Variants in ASPH observed in about 807,000 individuals in gnomAD.
ASPH encodes aspartyl/asparaginyl beta-hydroxylase.
ASPH carries 100 observed loss-of-function variants against 118.4 expected under a neutral mutation model. The observed-to-expected ratio is 0.84, with a 90% CI of 0.72 to 1.00. ASPH has a LOEUF of 1.00. ASPH is among the 50% of genes least tolerant of loss of function. The pLI, the probability that ASPH is intolerant of heterozygous loss-of-function variation, is 0.00. For missense variants in ASPH, 920 were observed against 919.5 expected, an observed-to-expected ratio of 1.00 and a Z score of -0.01; for synonymous variants, 315 against 325.6, an observed-to-expected ratio of 0.97 and a Z score of 0.35.
At chr8:61,579,389 C>T in intron 15 of ASPH, 2 of 1,613,894 alleles carry the variant, frequency 1.2e-6, no homozygotes, top group South Asian at 2.2e-5. Context: ...AGATCGCCAC[C>T]TACAGGAAGC....
chr8:61,633,050 G>C (rs1856254713), intron 13 of ASPH: 1 of 157,372 alleles, frequency 6.4e-6, no homozygotes, highest in Non-Finnish European at 1.4e-5. Context: ...ACTTCTGGTT[G>C]CAGGTATAGT....
intron 6 of ASPH, among the ~76,000 whole-genome samples, chr8:61,645,221 A>G (rs1008760871): frequency 2.6e-5 from 4 of 152,162 alleles, no homozygotes; most frequent in African/African-American, 9.7e-5. Context: ...CCAACTTTTA[A>G]GTTCAAACTG....
At chr8:61,652,471 T>C (rs2151122855) in intron 4 of ASPH, among the ~76,000 whole-genome samples, 1 of 152,272 alleles carries the variant, frequency 6.6e-6, no homozygotes, top group African/African-American at 2.4e-5. Context: ...ATTTTGCAAA[T>C]ACTCCTTCTC....
rs918677674 is a variant in ASPH at position 61,569,362 on chromosome 8, A to AT, written c.1150-2045dup. Among the ~76,000 whole-genome samples the AT allele has an allele frequency of 1.3e-4, 20 of 151,676 alleles. 1 individual carries two copies. Among genetic ancestry groups the AT allele is most frequent in the Non-Finnish European group, 2.2e-4 (15 of 67,852 alleles). On this transcript the variant is annotated intron_variant, in intron 16 of 24. Transcript: ENST00000379454. ...TGGCTAGATGCTAAAAGTAGCATAT[A>AT]TTTTTTTTTCTCAGAATATTTAAAC... is the stretch of plus-strand genomic sequence containing the variant.
chr8:61,547,541 C>G (rs1352848591), intron 21 of ASPH, among the ~76,000 whole-genome samples: 1 of 152,186 alleles, frequency 6.6e-6, no homozygotes, highest in Non-Finnish European at 1.5e-5. Context: ...TAGGACATCA[C>G]AGCTCTAACA....
chr8:61,527,665 G>C (rs751434684), intron 21 of ASPH, among the ~76,000 whole-genome samples: 6 of 152,198 alleles, frequency 3.9e-5, no homozygotes, highest in Non-Finnish European at 8.8e-5. Context: ...GCTTTGGAAA[G>C]TACACTCCCA....
rs759657377 is a variant in ASPH, at chr8:61,665,252, T to C, written c.323-11592A>G. 2.1e-5 allele frequency: 33 copies of C among 1,586,336 alleles called. No individual in the cohort carries two copies. The South Asian group carries it at 3.8e-4, about 18-fold the overall frequency. On this transcript the variant is annotated intron_variant, in intron 3 of 24. Coordinates refer to ENST00000379454, the MANE Select transcript of ASPH (RefSeq NM_004318.4). The stretch of plus-strand genomic sequence containing the variant: ...TTCTGGGATGATGATGCCAGAGCTT[T>C]AGCCGTTTCTTTTCTGGGTATTTCC...
chr8:61,639,102 G>A (rs573783064), intron 10 of ASPH, among the ~76,000 whole-genome samples: 2 of 152,260 alleles, frequency 1.3e-5, no homozygotes, highest in South Asian at 4.1e-4. Context: ...TTAATAGGTC[G>A]TTTTGTCCTT....
At chr8:61,565,033 CAGCT>C (rs1831216515) in intron 17 of ASPH, among the ~76,000 whole-genome samples, 10 of 152,192 alleles carry the variant, frequency 6.6e-5, no homozygotes, top group Non-Finnish European at 4.4e-5. Flanking sequence ...AGTTAGCTAA[CAGCT>C]AGTCTTACTT....
chr8:61,697,811 CAG>C (rs745910886), intron 1 of ASPH, among the ~76,000 whole-genome samples: 2 of 152,178 alleles, frequency 1.3e-5, no homozygotes, highest in Non-Finnish European at 2.9e-5. Flanking sequence ...TTAATTTAGA[CAG>C]AGTCTCACTG....
At chr8:61,615,013 T>C (rs7823222) in intron 14 of ASPH, among the ~76,000 whole-genome samples, 124,960 of 152,086 alleles carry the variant, frequency 0.82, 51,404 homozygotes, top group African/African-American at 0.84. Context: ...CCTTTGAAAA[T>C]ATAATGCAAT....
intron 3 of ASPH, chr8:61,675,976 C>T (rs956918369): frequency 6.5e-7 from 1 of 1,540,818 alleles, no homozygotes; most frequent in South Asian, 1.3e-5. Flanking sequence ...TCACAACCAC[C>T]CCACTGCACA....
At chr8:61,591,184 G>A (rs1841016815) in intron 14 of ASPH, among the ~76,000 whole-genome samples, 1 of 152,086 alleles carries the variant, frequency 6.6e-6, no homozygotes, top group African/African-American at 2.4e-5. Context: ...GTTTCTAAAG[G>A]CATGAATGCA....
intron 3 of ASPH, chr8:61,659,742 C>G (rs1046527846): frequency 6.6e-6 from 1 of 152,274 alleles, no homozygotes; most frequent in African/African-American, 2.4e-5. Context: ...TGAAAATAAC[C>G]TTATGGGTCT....
intron 16 of ASPH, among the ~76,000 whole-genome samples, chr8:61,576,421 C>A (rs112686749): frequency 1.3e-3 from 193 of 152,292 alleles, no homozygotes; most frequent in African/African-American, 4.3e-3. Context: ...ATACTTGCAA[C>A]CTCCAGTTAT....
rs924866178 is a variant in ASPH at position 61,680,845 on chromosome 8, T to A, written c.322+123A>T. 1.6e-5 allele frequency: 11 copies of A among 686,246 alleles called. No individual in the cohort carries two copies. The African/African-American group carries it at 2.1e-4, about 13-fold the overall frequency. The allele number at this position is 686,246 out of a possible 1,614,324, so 42.5% of individuals were successfully genotyped here. A position where few individuals can be genotyped will look rare whatever the true frequency, so the allele number is the denominator to read the frequency against. On this transcript the variant is annotated intron_variant, in intron 3 of 24. Transcript: ENST00000379454. ...TTAAAATTTTAACAGTAATGAAATA[T>A]ATGATTTAAGGGAGAAAAGTCTCCT...
intron 1 of ASPH, among the ~76,000 whole-genome samples, chr8:61,710,173 A>T (rs1837736727): frequency 6.6e-6 from 1 of 152,236 alleles, no homozygotes; most frequent in South Asian, 2.1e-4. Flanking sequence ...AAGAAAGTAG[A>T]TAATAATTCT....
intron 16 of ASPH, among the ~76,000 whole-genome samples, chr8:61,568,967 T>G (rs1832658709): frequency 6.6e-6 from 1 of 151,992 alleles, no homozygotes; most frequent in Non-Finnish European, 1.5e-5. Context: ...TCCAAGGAGA[T>G]GCAAGAGACT....
At chr8:61,610,725 T>C (rs1379342329) in intron 14 of ASPH, among the ~76,000 whole-genome samples, 1 of 152,220 alleles carries the variant, frequency 6.6e-6, no homozygotes, top group African/African-American at 2.4e-5. Flanking sequence ...TTACTAGGCA[T>C]AGTGGTTAGC....
Sources: gnomAD v4.1 joint callset for allele counts (sites outside exome capture counted in the v4.1 genomes callset) on GRCh38, gnomAD v4.1.1 for gene constraint, MANE v1.5 for transcripts, NCBI Gene and HGNC (gene_info 2026-07-23, HGNC 2026-07-21) for gene names.